The following EPHA6 variants were observed in gnomAD, a reference collection of about 807,000 sequenced individuals.
EPHA6 encodes the protein ephrin type-A receptor 6.
In EPHA6, 50 loss-of-function variants were observed where a neutral mutation model predicts 112.0. The ratio of observed to expected loss-of-function variants is 0.45; its 90% confidence interval spans 0.36 to 0.56. The LOEUF (loss-of-function observed/expected upper bound fraction) is 0.56. Among genes scored for constraint, EPHA6 ranks in the 20% least tolerant of loss-of-function variants. The probability of loss-of-function intolerance (pLI) is 0.00; values close to 1 mark genes in which losing one functional copy is unlikely to be tolerated. For synonymous variants in EPHA6, 529 were observed against 490.7 expected (o/e 1.08, Z -1.03); for missense variants, 1,280 against 1,417.4 (o/e 0.90, Z 1.56).
At chr3:97,515,032 A>G (rs2092425861) in intron 10 of EPHA6, among the ~76,000 whole-genome samples, 1 of 152,250 alleles carries the variant, frequency 6.6e-6, no homozygotes, top group Non-Finnish European at 1.5e-5. Flanking sequence ...GATTCAAGGA[A>G]GAAGTCTGAG....
intron 3 of EPHA6, 41 bp from the exon 4 acceptor site, chr3:97,226,223 A>G: frequency 6.5e-7 from 1 of 1,532,760 alleles, no homozygotes; most frequent in Non-Finnish European, 8.8e-7. Context: ...AAAGAATCCT[A>G]GCAATAATAA....
At chr3:97,668,058 T>C (rs955079281) in intron 14 of EPHA6, among the ~76,000 whole-genome samples, 1 of 152,138 alleles carries the variant, frequency 6.6e-6, no homozygotes, top group African/African-American at 2.4e-5. Flanking sequence ...TTTTATATTT[T>C]TTTGCATTTG....
chr3:97,556,031 A>T (rs913790526), intron 11 of EPHA6, among the ~76,000 whole-genome samples: 15 of 152,010 alleles, frequency 9.9e-5, no homozygotes, highest in Admixed American at 7.9e-4. Flanking sequence ...AGCTAATATT[A>T]CCCTGTCCTA....
intron 3 of EPHA6, among the ~76,000 whole-genome samples, chr3:97,056,209 G>A (rs552425900): frequency 7.9e-5 from 12 of 152,128 alleles, no homozygotes; most frequent in African/African-American, 1.2e-4. Context: ...CCTACCTTAC[G>A]TCTATTGGTG....
rs114224436 is a variant in EPHA6 at position 97,134,034 on chromosome 3, A to G, written c.1115-92230A>G. On this transcript the variant is annotated intron_variant, in intron 3 of 17. Transcript: ENST00000389672. Reference sequence around the variant, plus strand: ...GTTTTTGCCACTGTTTGTTTTCATGAAATTTTAAAAAAAAGAGCCTACATA... The same window carrying G: ...GTTTTTGCCACTGTTTGTTTTCATGGAATTTTAAAAAAAAGAGCCTACATA... Among the ~76,000 whole-genome samples, 235 of 152,130 alleles carry G rather than the reference A, an allele frequency of 1.5e-3. 1 individual carries two copies. Among genetic ancestry groups the G allele is most frequent in the African/African-American group, 5.5e-3 (229 of 41,564 alleles).
chr3:97,344,704 G>A (rs1401912738), intron 5 of EPHA6, among the ~76,000 whole-genome samples: 1 of 152,146 alleles, frequency 6.6e-6, no homozygotes, highest in Non-Finnish European at 1.5e-5. Context: ...GCCATTGTCA[G>A]TACGTGATAT....
At chr3:97,686,732 C>T (rs1315131879) in intron 14 of EPHA6, among the ~76,000 whole-genome samples, 1 of 152,184 alleles carries the variant, frequency 6.6e-6, no homozygotes, top group Non-Finnish European at 1.5e-5. Flanking sequence ...GGTACTATAG[C>T]TTGATGCCTA....
intron 2 of EPHA6, among the ~76,000 whole-genome samples, chr3:96,960,930 G>A (rs2041928877): frequency 6.6e-6 from 1 of 152,094 alleles, no homozygotes; most frequent in Non-Finnish European, 1.5e-5. Context: ...CTAGTCTTGA[G>A]ATCCATTCCC....
chr3:97,064,425 T>A (rs532562947), intron 3 of EPHA6, among the ~76,000 whole-genome samples: 1 of 152,286 alleles, frequency 6.6e-6, no homozygotes, highest in East Asian at 1.9e-4. Flanking sequence ...TTCCTAATAT[T>A]TACTTCAATT....
Position 97,757,402 on chromosome 3 carries a change from G to C in EPHA6, c.*8701G>C, listed in dbSNP as rs1691982337. Reference sequence around the variant, plus strand: ...GTTCATTTTAAAAATGTTTTGTAATGGAACAAGTCATCAAAATTCTTAACA... The same window carrying C: ...GTTCATTTTAAAAATGTTTTGTAATCGAACAAGTCATCAAAATTCTTAACA... On this transcript the variant is annotated 3_prime_UTR_variant, in exon 18 of 18. Transcript: ENST00000389672. Among the ~76,000 whole-genome samples the C allele has an allele frequency of 6.6e-6, 1 of 151,556 alleles. No homozygotes were observed. The highest frequency in any genetic ancestry group is 1.5e-5 in the Non-Finnish European group (1 of 67,662).
chr3:97,062,162 G>A (rs1287059724), intron 3 of EPHA6, among the ~76,000 whole-genome samples: 3 of 152,096 alleles, frequency 2.0e-5, no homozygotes, highest in Non-Finnish European at 4.4e-5. Flanking sequence ...CTATAGTTGT[G>A]ATATAATATA....
Position 97,597,563 on chromosome 3 carries a change from G to A in EPHA6, c.2512+4826G>A, listed in dbSNP as rs555338486. The stretch of plus-strand genomic sequence containing the variant: ...CTCTGAGTAGCCATGTTAGAAAATG[G>A]TTTAACAACCCAGATTTCTATAAAC... On this transcript the variant is annotated intron_variant, in intron 12 of 17. Coordinates refer to ENST00000389672, the MANE Select transcript of EPHA6 (RefSeq NM_001080448.3). Among the ~76,000 whole-genome samples, 3 of 152,204 alleles carry A rather than the reference G, an allele frequency of 2.0e-5. No individual in the cohort carries two copies. The East Asian group carries it at 5.8e-4, about 29-fold the overall frequency.
rs188995516 is a variant in EPHA6, at chr3:97,576,301, T to C, written c.2387-16311T>C. On this transcript the variant is annotated intron_variant, in intron 11 of 17. Coordinates refer to ENST00000389672, the MANE Select transcript of EPHA6 (RefSeq NM_001080448.3). ...TTGTTTATTCATTTTTTTTCCTTGA[T>C]CAGTCCAGGGAGCAACTACTTCTAC... Among the ~76,000 whole-genome samples, 13 of 152,074 alleles carry C rather than the reference T, an allele frequency of 8.5e-5. No individual in the cohort carries two copies. In the East Asian group the frequency reaches 2.3e-3, roughly 27 times the overall value.
At chr3:97,073,641 G>A (rs934426172) in intron 3 of EPHA6, among the ~76,000 whole-genome samples, 22 of 151,956 alleles carry the variant, frequency 1.4e-4, no homozygotes, top group African/African-American at 5.3e-4. Flanking sequence ...AATTCAACAG[G>A]ATATATATTT....
At chr3:97,165,875 T>C (rs1480725741) in intron 3 of EPHA6, among the ~76,000 whole-genome samples, 2 of 152,286 alleles carry the variant, frequency 1.3e-5, no homozygotes, top group East Asian at 3.9e-4. Flanking sequence ...AAGTATTCAA[T>C]AAAAAATTGC....
chr3:97,374,742 T>C (rs1372592567), intron 5 of EPHA6, among the ~76,000 whole-genome samples: 1 of 152,098 alleles, frequency 6.6e-6, no homozygotes, highest in East Asian at 1.9e-4. Flanking sequence ...TAGCTTCTAC[T>C]TATAAAAAAG....
intron 10 of EPHA6, among the ~76,000 whole-genome samples, chr3:97,505,686 T>C (rs1577604383): frequency 6.6e-6 from 1 of 152,200 alleles, no homozygotes; most frequent in Non-Finnish European, 1.5e-5. Context: ...TGATTTATAG[T>C]CCGTTGGGCA....
At chr3:97,360,029 G>T (rs2084292626) in intron 5 of EPHA6, among the ~76,000 whole-genome samples, 1 of 152,140 alleles carries the variant, frequency 6.6e-6, no homozygotes, top group East Asian at 1.9e-4. Flanking sequence ...CATCTTAGCC[G>T]AGGGAGGTGT....
chr3:96,969,376 C>T (rs530656677), intron 2 of EPHA6, among the ~76,000 whole-genome samples: 2 of 151,890 alleles, frequency 1.3e-5, no homozygotes, highest in East Asian at 1.9e-4. Flanking sequence ...TTGGAATGGC[C>T]GATGATCGTG....
Sources: allele counts gnomAD v4.1 joint callset (sites outside exome capture counted in the v4.1 genomes callset), GRCh38; gene constraint gnomAD v4.1.1; transcripts MANE v1.5; gene names NCBI Gene and HGNC (gene_info 2026-07-23, HGNC 2026-07-21).